PDGFC: variants seen among roughly 807,000 people sequenced by gnomAD.
PDGFC encodes the protein platelet-derived growth factor C.
PDGFC carries 12 observed loss-of-function variants against 35.5 expected under a neutral mutation model. The ratio of observed to expected loss-of-function variants is 0.34; its 90% confidence interval spans 0.22 to 0.55. PDGFC has a LOEUF of 0.55. PDGFC is among the 20% of genes least tolerant of loss of function. The probability of loss-of-function intolerance (pLI) is 0.91; values close to 1 mark genes in which losing one functional copy is unlikely to be tolerated. For missense variants in PDGFC, 322 were observed against 412.4 expected, an observed-to-expected ratio of 0.78 and a Z score of 1.90; for synonymous variants, 159 against 148.8, an observed-to-expected ratio of 1.07 and a Z score of -0.50.
At chr4:156,919,243 A>C (rs890460202) in intron 1 of PDGFC, among the ~76,000 whole-genome samples, 2 of 152,222 alleles carry the variant, frequency 1.3e-5, no homozygotes, top group South Asian at 4.1e-4. Flanking sequence ...AAATTTAAAA[A>C]GAAAAACTGA....
chr4:156,819,166 G>A (rs1579030017), intron 2 of PDGFC, among the ~76,000 whole-genome samples: 1 of 152,278 alleles, frequency 6.6e-6, no homozygotes, highest in East Asian at 1.9e-4. Flanking sequence ...AAAGTGCAAG[G>A]TGAAGCAGCA....
intron 1 of PDGFC, among the ~76,000 whole-genome samples, chr4:156,924,912 G>A (rs1731370399): frequency 6.6e-6 from 1 of 152,210 alleles, no homozygotes; most frequent in Admixed American, 6.5e-5. Flanking sequence ...AAGCCAGGAA[G>A]AGACAGGATG....
intron 1 of PDGFC, among the ~76,000 whole-genome samples, chr4:156,871,072 A>G (rs1729970996): frequency 6.6e-6 from 1 of 152,124 alleles, no homozygotes. Context: ...TGCAGGAAAA[A>G]CAATGTGAAA....
At chr4:156,791,353 A>T (rs1446286326) in intron 3 of PDGFC, among the ~76,000 whole-genome samples, 1 of 152,230 alleles carries the variant, frequency 6.6e-6, no homozygotes, top group Non-Finnish European at 1.5e-5. Flanking sequence ...ATTATTGTTG[A>T]TATCCAGCTT....
chr4:156,804,343 A>AC (rs1374045146), intron 3 of PDGFC, among the ~76,000 whole-genome samples: 17 of 152,078 alleles, frequency 1.1e-4, no homozygotes, highest in African/African-American at 4.8e-5. Context: ...ATTGAGTATC[A>AC]CCCCAGACCA....
chr4:156,869,953 T>C (rs1264163438), intron 1 of PDGFC, among the ~76,000 whole-genome samples: 8 of 151,980 alleles, frequency 5.3e-5, no homozygotes, highest in African/African-American at 1.7e-4. Context: ...TAATGTCAAA[T>C]AGATATTATT....
intron 1 of PDGFC, among the ~76,000 whole-genome samples, chr4:156,917,039 G>A (rs560873938): frequency 6.6e-6 from 1 of 152,106 alleles, no homozygotes; most frequent in Non-Finnish European, 1.5e-5. Flanking sequence ...TTGATAAAAT[G>A]AAAAATTGCA....
At chr4:156,842,172 T>C (rs1412213942) in intron 2 of PDGFC, 1 of 152,184 alleles carries the variant, frequency 6.6e-6, no homozygotes, top group African/African-American at 2.4e-5. Flanking sequence ...AATATTGAAA[T>C]TGGTCATTTT....
At chr4:156,851,712 G>A (rs552133595) in intron 1 of PDGFC, among the ~76,000 whole-genome samples, 25 of 152,162 alleles carry the variant, frequency 1.6e-4, no homozygotes, top group Admixed American at 6.5e-4. Flanking sequence ...GGGAGGCCGA[G>A]GCGGGTGGAT....
chr4:156,821,179 GTGTGTGTGTGTGTGTA>G (rs1732245859), intron 2 of PDGFC, among the ~76,000 whole-genome samples: 2 of 145,924 alleles, frequency 1.4e-5, no homozygotes, highest in South Asian at 2.3e-4. Flanking sequence ...ATGTGTGTGT[GTGTGTGTGTGTGTGTA>G]TGTGTGTGTG....
intron 2 of PDGFC, among the ~76,000 whole-genome samples, chr4:156,818,403 G>C (rs1249766163): frequency 2.0e-5 from 3 of 151,400 alleles, no homozygotes; most frequent in Non-Finnish European, 4.4e-5. Flanking sequence ...ATATCATTTA[G>C]TGTCTTCACC....
intron 1 of PDGFC, among the ~76,000 whole-genome samples, chr4:156,904,198 C>T (rs1730860325): frequency 6.6e-6 from 1 of 151,964 alleles, no homozygotes; most frequent in Admixed American, 6.6e-5. Context: ...AAACGGAGTT[C>T]CTTATCAACT....
At chr4:156,854,023 T>G (rs1035375193) in intron 1 of PDGFC, among the ~76,000 whole-genome samples, 7 of 152,142 alleles carry the variant, frequency 4.6e-5, no homozygotes, top group African/African-American at 1.7e-4. Context: ...GAAAAGTAAA[T>G]TCATTAACTA....
chr4:156,941,027 A>G (rs897347963), intron 1 of PDGFC, among the ~76,000 whole-genome samples: 5 of 152,200 alleles, frequency 3.3e-5, no homozygotes, highest in Non-Finnish European at 7.4e-5. Flanking sequence ...GATATAATGT[A>G]TGCAAACAAA....
chr4:156,885,243 A>G (rs560740151), intron 1 of PDGFC, among the ~76,000 whole-genome samples: 71 of 152,264 alleles, frequency 4.7e-4, no homozygotes, highest in South Asian at 3.5e-3. Context: ...GTTCTACTCC[A>G]TAACAGAAGA....
chr4:156,806,332 C>A (rs1731770641), intron 3 of PDGFC, among the ~76,000 whole-genome samples: 2 of 151,878 alleles, frequency 1.3e-5, no homozygotes, highest in Non-Finnish European at 2.9e-5. Flanking sequence ...ACTTCTAATT[C>A]TCTTAATATA....
At chr4:156,860,263 G>A (rs1729678345) in intron 1 of PDGFC, among the ~76,000 whole-genome samples, 1 of 152,128 alleles carries the variant, frequency 6.6e-6, no homozygotes, top group African/African-American at 2.4e-5. Flanking sequence ...TTATCTGTCA[G>A]ACTGGACATT....
chr4:156,798,741 T>A (rs555222659), intron 3 of PDGFC, among the ~76,000 whole-genome samples: 113 of 152,308 alleles, frequency 7.4e-4, no homozygotes, highest in African/African-American at 2.6e-3. Flanking sequence ...AGTGTTTCTC[T>A]GTCTCTCTAA....
intron 1 of PDGFC, among the ~76,000 whole-genome samples, chr4:156,948,155 A>G (rs1470963173): frequency 6.6e-6 from 1 of 151,610 alleles, no homozygotes; most frequent in Non-Finnish European, 1.5e-5. Context: ...TGTACTAAAA[A>G]AAAAAAAAAC....
Sources: gnomAD v4.1 joint callset for allele counts (sites outside exome capture counted in the v4.1 genomes callset) on GRCh38, gnomAD v4.1.1 for gene constraint, MANE v1.5 for transcripts, NCBI Gene and HGNC (gene_info 2026-07-23, HGNC 2026-07-21) for gene names.